The following MACROD2 variants were observed in gnomAD, a reference collection of about 807,000 sequenced individuals.
The protein encoded by MACROD2 is ADP-ribose glycohydrolase MACROD2.
A neutral mutation model predicts 70.4 loss-of-function variants in MACROD2; 36 were observed. That is an observed-to-expected ratio of 0.51 (90% CI 0.39 to 0.68). The LOEUF (loss-of-function observed/expected upper bound fraction) is 0.68. MACROD2 is among the 30% of genes least tolerant of loss of function. MACROD2 has a pLI of 0.00. For synonymous variants in MACROD2, 172 were observed against 178.8 expected, an observed-to-expected ratio of 0.96 and a Z score of 0.30; for missense variants, 496 against 538.4, an observed-to-expected ratio of 0.92 and a Z score of 0.78.
chr20:15,588,498 T>C (rs1013857882), intron 8 of MACROD2, among the ~76,000 whole-genome samples: 2 of 152,240 alleles, frequency 1.3e-5, no homozygotes, highest in Admixed American at 1.3e-4. Flanking sequence ...TTTTCTTTTC[T>C]ACCATATCAT....
intron 6 of MACROD2, among the ~76,000 whole-genome samples, chr20:15,267,827 C>T (rs1163850620): frequency 6.6e-6 from 1 of 152,176 alleles, no homozygotes; most frequent in Non-Finnish European, 1.5e-5. Flanking sequence ...CTGGCCTCTC[C>T]GGTTCCTGGG....
intron 6 of MACROD2, among the ~76,000 whole-genome samples, chr20:15,401,470 A>G (rs971340314): frequency 6.6e-6 from 1 of 152,176 alleles, no homozygotes; most frequent in Non-Finnish European, 1.5e-5. Flanking sequence ...TTATTCCACT[A>G]ATATGAGCTA....
intron 4 of MACROD2, among the ~76,000 whole-genome samples, chr20:14,612,525 G>A (rs142010782): frequency 2.0e-4 from 31 of 152,114 alleles, no homozygotes; most frequent in African/African-American, 7.2e-4. Flanking sequence ...GACAGGGTGG[G>A]GGTGTGTGGG....
intron 3 of MACROD2, chr20:14,352,416 C>A (rs1310154651): frequency 6.6e-6 from 1 of 151,906 alleles, no homozygotes; most frequent in Non-Finnish European, 1.5e-5. Context: ...GTGAAGCATT[C>A]CATATTTAAA....
intron 3 of MACROD2, among the ~76,000 whole-genome samples, chr20:14,281,154 C>CA (rs1486137312): frequency 6.6e-6 from 1 of 151,878 alleles, no homozygotes; most frequent in Non-Finnish European, 1.5e-5. Context: ...TCATAATAGC[C>CA]AAAAAATGGA....
intron 3 of MACROD2, among the ~76,000 whole-genome samples, chr20:14,481,810 G>A (rs940637971): frequency 2.0e-5 from 3 of 152,098 alleles, no homozygotes; most frequent in Admixed American, 6.5e-5. Context: ...TTTGTTATAG[G>A]AAAAGTAAAA....
chr20:14,104,950 A>G (rs1271572787), intron 3 of MACROD2, among the ~76,000 whole-genome samples: 1 of 152,242 alleles, frequency 6.6e-6, no homozygotes, highest in Non-Finnish European at 1.5e-5. Flanking sequence ...GAGGTCAATT[A>G]TAGTTTAAAT....
chr20:15,538,630 A>G (rs1032030261), intron 8 of MACROD2, among the ~76,000 whole-genome samples: 1 of 152,212 alleles, frequency 6.6e-6, no homozygotes. Context: ...AGAAGTAGAG[A>G]CTGAGAAGAG....
At chr20:14,021,066 T>C (rs1366769148) in intron 2 of MACROD2, among the ~76,000 whole-genome samples, 2 of 146,712 alleles carry the variant, frequency 1.4e-5, no homozygotes, top group Non-Finnish European at 3.0e-5. Flanking sequence ...CTCGGCTCAC[T>C]GCAAGCTCCG....
intron 8 of MACROD2, among the ~76,000 whole-genome samples, chr20:15,689,757 G>A (rs2050275662): frequency 6.6e-6 from 1 of 152,192 alleles, no homozygotes; most frequent in African/African-American, 2.4e-5. Flanking sequence ...GGGAGCAGGG[G>A]ACACCTTGCC....
intron 4 of MACROD2, among the ~76,000 whole-genome samples, chr20:14,497,229 T>C (rs2084864163): frequency 6.6e-6 from 1 of 151,780 alleles, no homozygotes; most frequent in Non-Finnish European, 1.5e-5. Context: ...AATGGCACTG[T>C]CTTACAGTAC....
chr20:14,618,486 A>G (rs562167641), intron 4 of MACROD2, among the ~76,000 whole-genome samples: 1 of 152,264 alleles, frequency 6.6e-6, no homozygotes, highest in South Asian at 2.1e-4. Context: ...AACTTGGGAA[A>G]AGTACTTAAA....
chr20:14,411,710 C>A (rs1023826278), intron 3 of MACROD2, among the ~76,000 whole-genome samples: 7 of 152,058 alleles, frequency 4.6e-5, no homozygotes, highest in African/African-American at 7.2e-5. Context: ...ATTTTCTCAT[C>A]TTGTTTTATT....
intron 10 of MACROD2, among the ~76,000 whole-genome samples, chr20:15,918,152 C>T (rs1484021935): frequency 6.6e-6 from 1 of 152,074 alleles, no homozygotes; most frequent in Admixed American, 6.5e-5. Context: ...TAAGGTTTAC[C>T]TCATAGGACT....
chr20:14,858,111 G>A (rs1016603958), intron 5 of MACROD2, among the ~76,000 whole-genome samples: 1 of 152,178 alleles, frequency 6.6e-6, no homozygotes, highest in African/African-American at 2.4e-5. Context: ...GTGAGCCACA[G>A]TGCCTGGCCG....
chr20:15,339,226 G>A (rs564432997), intron 6 of MACROD2, among the ~76,000 whole-genome samples: 1 of 151,964 alleles, frequency 6.6e-6, no homozygotes, highest in Admixed American at 6.5e-5. Flanking sequence ...AGTTATGAAA[G>A]CATTTAGTAT....
chr20:14,162,138 C>G lies in MACROD2; in HGVS notation c.271+76410C>G, dbSNP rs1262311979. Among the ~76,000 whole-genome samples the G allele has an allele frequency of 2.6e-5, 4 of 152,222 alleles. No homozygotes were observed. The East Asian group carries it at 5.8e-4, about 22-fold the overall frequency. ...TTTCATCCTTGACCGAGTGGTCATT[C>G]AGTAGCACGTTGTTTAATTTCTATG... On this transcript the variant is annotated intron_variant, in intron 3 of 17. Transcript: ENST00000684519.
intron 6 of MACROD2, among the ~76,000 whole-genome samples, chr20:15,268,753 T>C (rs2077319658): frequency 6.6e-6 from 1 of 152,200 alleles, no homozygotes; most frequent in Non-Finnish European, 1.5e-5. Context: ...ATGAGAATCA[T>C]GGACTCTTTC....
At chr20:14,631,904 A>G (rs1467141924) in intron 4 of MACROD2, 2 of 152,224 alleles carry the variant, frequency 1.3e-5, no homozygotes, top group Admixed American at 6.5e-5. Flanking sequence ...CAGGTATGCT[A>G]CTGCAATGAG....
Sources: gnomAD v4.1 joint callset for allele counts (sites outside exome capture counted in the v4.1 genomes callset) on GRCh38, gnomAD v4.1.1 for gene constraint, MANE v1.5 for transcripts, NCBI Gene and HGNC (gene_info 2026-07-23, HGNC 2026-07-21) for gene names.